Variants in SMIM21 observed in about 807,000 individuals in gnomAD.
SMIM21 encodes chromosome 18 open reading frame 62.
Under a neutral mutation model 8.6 loss-of-function variants are expected in SMIM21, and 8 were observed. That is an observed-to-expected ratio of 0.93 (90% CI 0.55 to 1.68). SMIM21 has a LOEUF of 1.68. SMIM21 is among the 40% of genes most tolerant of loss of function. SMIM21 has a pLI of 0.00. For synonymous variants in SMIM21, 43 were observed against 41.7 expected, an observed-to-expected ratio of 1.03 and a Z score of -0.12; for missense variants, 132 against 123.0, an observed-to-expected ratio of 1.07 and a Z score of -0.35.
At chr18:75,414,842 G>T (rs558767346) in intron 2 of SMIM21, among the ~76,000 whole-genome samples, 2 of 152,048 alleles carry the variant, frequency 1.3e-5, no homozygotes, top group Non-Finnish European at 2.9e-5. Flanking sequence ...GGTATTTTGC[G>T]TACCCCGCTC....
rs1438666400 is a variant in SMIM21, at chr18:75,418,800, G to T, written c.246C>A (p.Asn82Lys). The T allele has an allele frequency of 6.2e-7, 1 of 1,607,840 alleles. No homozygotes were observed. The highest frequency in any genetic ancestry group is 1.7e-5 in the Admixed American group (1 of 59,212). Residue 82 changes from asparagine (N) to lysine (K), a missense_variant, in exon 2 of 3, where the codon AAC becomes AAA. By Grantham distance (94) the Asn-to-Lys change is moderately conservative. Coordinates refer to ENST00000579022, the MANE Select transcript of SMIM21 (RefSeq NM_001037331.3). ...CGTTTACCTACTTTCGAAATATGCT[G>T]TTGGCCCTTTTCCAGTCTTCAGAAA... The part of the protein sequence containing the change: ...QGVSEDWKRA[N>K]SIFRNFLRLK...
In SMIM21 at chr18:75,410,830, G is replaced by T; in HGVS notation, c.*34C>A. The T allele has an allele frequency of 6.2e-7, 1 of 1,613,338 alleles. No homozygotes were observed. Among genetic ancestry groups the T allele is most frequent in the Non-Finnish European group, 8.5e-7 (1 of 1,179,748 alleles). On this transcript the variant is annotated 3_prime_UTR_variant, in exon 3 of 3. Transcript: ENST00000579022. ...TCATCTTGAGCAGGGGAAATCCATG[G>T]TATGAAGGCCATGAGAGAGAAACGT...
chr18:75,418,152 A>G (rs2024668547), intron 2 of SMIM21: 2 of 398,474 alleles, frequency 5.0e-6, no homozygotes, highest in East Asian at 7.1e-5. Flanking sequence ...TATGTTGAAA[A>G]CACAAAAAGC....
intron 2 of SMIM21, among the ~76,000 whole-genome samples, chr18:75,414,517 G>A (rs986952293): frequency 1.3e-5 from 2 of 152,134 alleles, no homozygotes; most frequent in African/African-American, 2.4e-5. Flanking sequence ...AGGGAAAGAT[G>A]GGTCAAGGAG....
chr18:75,427,309 C>T (rs1452487962), intron 1 of SMIM21, 126 bp downstream of exon 1: 8 of 1,155,602 alleles, frequency 6.9e-6, no homozygotes, highest in African/African-American at 3.1e-5. Flanking sequence ...TCTTAAACTT[C>T]GTAGAATCTG....
chr18:75,411,008 C>T, intron 2 of SMIM21, 99 bp from the exon 3 acceptor site: 1 of 1,489,860 alleles, frequency 6.7e-7, no homozygotes, highest in Non-Finnish European at 9.1e-7. Flanking sequence ...CTAATGAACA[C>T]ATTTTAAAAT....
At chr18:75,422,973 A>G (rs1315468731) in intron 1 of SMIM21, among the ~76,000 whole-genome samples, 3 of 152,236 alleles carry the variant, frequency 2.0e-5, no homozygotes, top group Non-Finnish European at 4.4e-5. Context: ...TCTACATGTT[A>G]TTTAGAAACA....
intron 2 of SMIM21, among the ~76,000 whole-genome samples, chr18:75,414,100 C>T (rs867997127): frequency 7.6e-6 from 1 of 132,442 alleles, no homozygotes; most frequent in African/African-American, 2.6e-5. Flanking sequence ...CACACACATA[C>T]ACACACACAC....
rs185579912 is a variant in SMIM21, at chr18:75,425,174, A to G, written c.129+2261T>C. ...GCTTTTGGATTTTCGTCGTCTGTGC[A>G]TGAGAGAGATTCCACTGGACACCAA... On this transcript the variant is annotated intron_variant, in intron 1 of 2. Transcript: ENST00000579022. 2.2e-4 allele frequency among the ~76,000 whole-genome samples: 34 copies of G among 152,320 alleles called. No homozygotes were observed. The East Asian group carries it at 4.4e-3, about 20-fold the overall frequency.
chr18:75,418,602 T>G (rs2024673979), intron 2 of SMIM21, among the ~76,000 whole-genome samples, 184 bp downstream of exon 2: 1 of 152,228 alleles, frequency 6.6e-6, no homozygotes, highest in Non-Finnish European at 1.5e-5. Flanking sequence ...ATTAATTTCA[T>G]CTGGCCTAAT....
chr18:75,410,730 C>T lies in SMIM21; in HGVS notation c.*134G>A, dbSNP rs976337343. On this transcript the variant is annotated 3_prime_UTR_variant, in exon 3 of 3. Transcript: ENST00000579022. ...CAAAAAGTTACACGTTCTTCATTCTCTCTGTGGAGCTCCTTTTAAAAAGTG... is the reference window on the plus strand; with the variant it reads ...CAAAAAGTTACACGTTCTTCATTCTTTCTGTGGAGCTCCTTTTAAAAAGTG... 44 of 1,490,294 alleles carry T rather than the reference C, an allele frequency of 3.0e-5. 1 individual carries two copies. The African/African-American group carries it at 5.5e-4, about 19-fold the overall frequency. The allele number at this position is 1,490,294 out of a possible 1,614,324, so 92.3% of individuals were successfully genotyped here.
chr18:75,413,532 T>C (rs560038212), intron 2 of SMIM21, among the ~76,000 whole-genome samples: 2 of 152,340 alleles, frequency 1.3e-5, no homozygotes, highest in African/African-American at 2.4e-5. Context: ...TTAAACCCTT[T>C]AATGATTCCC....
chr18:75,413,369 C>T (rs896053256), intron 2 of SMIM21, among the ~76,000 whole-genome samples: 1 of 152,130 alleles, frequency 6.6e-6, no homozygotes, highest in Non-Finnish European at 1.5e-5. Context: ...TCCTGATCAC[C>T]CCCTGTGAAA....
In SMIM21 at chr18:75,413,839, G is replaced by A. The variant is rs115044179; in HGVS notation, c.261-2930C>T. Among the ~76,000 whole-genome samples the A allele has an allele frequency of 5.0e-3, 758 of 152,216 alleles. 9 individuals are homozygous for A. The highest frequency in any genetic ancestry group is 0.017 in the African/African-American group (703 of 41,514). The stretch of plus-strand genomic sequence containing the variant: ...CCTTGTCTACTTCAACACGTGATCT[G>A]CATTGCTTAGAACAGGGATGAATAA... On this transcript the variant is annotated intron_variant, in intron 2 of 2. Transcript: ENST00000579022.
intron 1 of SMIM21, among the ~76,000 whole-genome samples, chr18:75,426,014 C>T (rs890295955): frequency 1.3e-5 from 2 of 151,982 alleles, no homozygotes; most frequent in Admixed American, 1.3e-4. Context: ...CTTTTGATTG[C>T]CCACCGAGTG....
intron 1 of SMIM21, among the ~76,000 whole-genome samples, chr18:75,420,548 T>C (rs2144555767): frequency 6.6e-6 from 1 of 152,314 alleles, no homozygotes; most frequent in South Asian, 2.1e-4. Context: ...TCTGTACTGC[T>C]TGATTAAATG....
intron 2 of SMIM21, among the ~76,000 whole-genome samples, chr18:75,413,707 A>G (rs2024607235): frequency 1.3e-5 from 2 of 152,148 alleles, no homozygotes; most frequent in South Asian, 4.1e-4. Flanking sequence ...TCTATGACCC[A>G]GTCTCTAGAA....
In SMIM21 at chr18:75,427,455, G is replaced by A. The variant is rs571497188; in HGVS notation, c.109C>T (p.Gln37Ter). ...MGRIFKGNLLQKKALTTFENE... is the reference protein window; with the variant it reads ...MGRIFKGNLL ...CTCACTGTGGTAAGTGCTTTCTTCT[G>A]CAGCAAATTCCCCTTGAATATCCGT... Residue 37 changes from glutamine to a stop codon, truncating the protein, a stop_gained, in exon 1 of 3, where the codon CAG becomes TAG. Transcript: ENST00000579022. LOFTEE classifies it high-confidence loss of function. The A allele has an allele frequency of 1.2e-6, 2 of 1,613,954 alleles. No homozygotes were observed. The highest frequency in any genetic ancestry group is 1.7e-4 in the Middle Eastern group (1 of 6,060).
At chr18:75,418,352 C>T (rs2024670664) in intron 2 of SMIM21, among the ~76,000 whole-genome samples, 1 of 152,150 alleles carries the variant, frequency 6.6e-6, no homozygotes, top group African/African-American at 2.4e-5. Flanking sequence ...GCTGAGATTT[C>T]TTGGCCTTCT....
Sources: gnomAD v4.1 joint callset for allele counts (sites outside exome capture counted in the v4.1 genomes callset) on GRCh38, gnomAD v4.1.1 for gene constraint, MANE v1.5 for transcripts, NCBI Gene and HGNC (gene_info 2026-07-23, HGNC 2026-07-21) for gene names.